Variants in PON1 observed in about 807,000 individuals in gnomAD.
The protein encoded by PON1 is serum paraoxonase/arylesterase 1.
Under a neutral mutation model 39.2 loss-of-function variants are expected in PON1, and 37 were observed. The ratio of observed to expected loss-of-function variants is 0.94; its 90% confidence interval spans 0.73 to 1.24. The LOEUF (loss-of-function observed/expected upper bound fraction) is 1.24. PON1 is among the 50% of genes most tolerant of loss of function. The probability of loss-of-function intolerance (pLI) is 0.00; values close to 1 mark genes in which losing one functional copy is unlikely to be tolerated. For synonymous variants in PON1, 148 were observed against 152.2 expected, an observed-to-expected ratio of 0.97 and a Z score of 0.21; for missense variants, 397 against 413.5, an observed-to-expected ratio of 0.96 and a Z score of 0.35.
intron 6 of PON1, among the ~76,000 whole-genome samples, chr7:95,306,958 T>A (rs949448756): frequency 6.6e-6 from 1 of 152,132 alleles, no homozygotes; most frequent in Non-Finnish European, 1.5e-5. Context: ...TTATCTTCTA[T>A]TTTTTGAAAA....
rs560885248 is a variant in PON1 at position 95,297,681 on chromosome 7, A to C, written c.*1263T>G. 5 of 152,240 alleles carry C rather than the reference A, an allele frequency of 3.3e-5. No individual in the cohort carries two copies. The highest frequency in any genetic ancestry group is 1.2e-4 in the African/African-American group (5 of 41,430). The allele number at this position is 152,240 out of a possible 1,614,324, so 9.4% of individuals were successfully genotyped here. On this transcript the variant is annotated 3_prime_UTR_variant, in exon 9 of 9. Coordinates refer to ENST00000222381, the MANE Select transcript of PON1 (RefSeq NM_000446.7). Reference sequence around the variant, plus strand: ...GTGGTGTGTGCCTGTAGTCCCAGCTATCCGGGAGGCTGAGGCACAAGAATC... The same window carrying C: ...GTGGTGTGTGCCTGTAGTCCCAGCTCTCCGGGAGGCTGAGGCACAAGAATC...
intron 2 of PON1, among the ~76,000 whole-genome samples, chr7:95,318,064 A>C (rs960942209): frequency 1.4e-5 from 2 of 141,768 alleles, no homozygotes; most frequent in Admixed American, 1.5e-4. Context: ...ACATTATTCT[A>C]TTTTTCTTTT....
chr7:95,311,473 T>C lies in PON1; in HGVS notation c.475A>G (p.Ile159Val). ...EEKSLLHLKT[I>V]RHKLLPNLND... ...TACTTAGGCAGAAGTTTATGTCTGA[T>C]GGTTTTTAGATGCAAAAGCGATTTT... is the stretch of plus-strand genomic sequence containing the variant. The change falls in exon 5 of 9, where the codon ATC (isoleucine) becomes GTC (valine). Residue 159 changes from isoleucine to valine, a missense_variant. Physicochemically the swap from Ile to Val is conservative, Grantham distance 29. Transcript: ENST00000222381. 3 of 1,614,186 alleles carry C rather than the reference T, an allele frequency of 1.9e-6. No individual in the cohort carries two copies. Among genetic ancestry groups the C allele is most frequent in the Non-Finnish European group, 2.5e-6 (3 of 1,180,000 alleles).
At chr7:95,308,628 A>C (rs184982839) in intron 5 of PON1, among the ~76,000 whole-genome samples, 11 of 152,246 alleles carry the variant, frequency 7.2e-5, no homozygotes, top group African/African-American at 2.4e-4. Flanking sequence ...ACTAACTCCC[A>C]TAAGAAATTG....
In PON1 at chr7:95,315,502, TG is replaced by T; in HGVS notation, c.202-13del. The T allele has an allele frequency of 6.2e-7, 1 of 1,613,134 alleles. No homozygotes were observed. On this transcript the variant is annotated splice_polypyrimidine_tract_variant and intron_variant, in intron 3 of 8. Coordinates refer to ENST00000222381, the MANE Select transcript of PON1 (RefSeq NM_000446.7). ...GGATACTTTAATCCCTTATAAACCA[TG>T]GAGGAGAAAAATCAAGCACAATACC...
chr7:95,311,320 G>T, intron 5 of PON1, 131 bp downstream of exon 5: 1 of 1,108,224 alleles, frequency 9.0e-7, no homozygotes, highest in Non-Finnish European at 1.3e-6. Context: ...AGAAGAGCAT[G>T]TGGAGGAGTT....
In PON1 at chr7:95,302,239, AAG is replaced by A. The variant is rs1563594460; in HGVS notation, c.873_874del (p.Phe292LeufsTer3). 5.6e-6 allele frequency: 9 copies of A among 1,613,220 alleles called. No individual in the cohort carries two copies. Among genetic ancestry groups the A allele is most frequent in the Non-Finnish European group, 6.8e-6 (8 of 1,179,320 alleles). ...AGGAGGATTCTCTGAGTCATAGAAG[AAG>A]ATTTTCATGCCATTGGGATGGCATC... On this transcript the variant is annotated frameshift_variant, in exon 8 of 9. Transcript: ENST00000222381. LOFTEE classifies it low-confidence loss of function (END_TRUNC).
At chr7:95,308,322 G>T in intron 5 of PON1, 111 bp from the exon 6 acceptor site, 2 of 971,372 alleles carry the variant, frequency 2.1e-6, no homozygotes, top group Non-Finnish European at 3.2e-6. Flanking sequence ...GTGGGATGGA[G>T]CCTTCGTGCT....
Position 95,318,710 on chromosome 7 carries a change from G to A in PON1, c.75-317C>T. ...TAAGGACTCCTAGGTGGAAAGTCCG[G>A]GTAAATGGCAACATGGTTCCAGTTT... On this transcript the variant is annotated intron_variant, in intron 1 of 8. Transcript: ENST00000222381. The A allele has an allele frequency of 7.0e-6, 2 of 284,956 alleles. 1 individual carries two copies. Among genetic ancestry groups the A allele is most frequent in the East Asian group, 1.5e-4 (2 of 13,336 alleles). The allele number at this position is 284,956 out of a possible 1,614,324, so 17.7% of individuals were successfully genotyped here. A position where few individuals can be genotyped will look rare whatever the true frequency, so the allele number is the denominator to read the frequency against.
chr7:95,315,499 C>A lies in PON1; in HGVS notation c.202-9G>T. 1 of 1,613,330 alleles carries A rather than the reference C, an allele frequency of 6.2e-7. No individual in the cohort carries two copies. Reference sequence around the variant, plus strand: ...CCAGGATACTTTAATCCCTTATAAACCATGGAGGAGAAAAATCAAGCACAA... The same window carrying A: ...CCAGGATACTTTAATCCCTTATAAAACATGGAGGAGAAAAATCAAGCACAA... On this transcript the variant is annotated splice_polypyrimidine_tract_variant and intron_variant, in intron 3 of 8. Transcript: ENST00000222381.
In PON1 at chr7:95,298,616, G is replaced by GCAA; in HGVS notation, c.*325_*327dup. The GCAA allele has an allele frequency of 2.5e-6, 1 of 393,946 alleles. No homozygotes were observed. Among genetic ancestry groups the GCAA allele is most frequent in the Non-Finnish European group, 4.8e-6 (1 of 207,024 alleles). The allele number at this position is 393,946 out of a possible 1,614,324, so 24.4% of individuals were successfully genotyped here. A position where few individuals can be genotyped will look rare whatever the true frequency, so the allele number is the denominator to read the frequency against. On this transcript the variant is annotated 3_prime_UTR_variant, in exon 9 of 9. Transcript: ENST00000222381. ...CAGCGATACACACATGTGCTTCCAG[G>GCAA]CAACACATGTTTTAGGGTAAGTACT...
intron 5 of PON1, among the ~76,000 whole-genome samples, chr7:95,310,830 A>C (rs1807637677): frequency 1.3e-5 from 2 of 152,240 alleles, no homozygotes; most frequent in Admixed American, 6.5e-5. Context: ...TCCTAAATCC[A>C]TCACTGGCCT....
At chr7:95,313,692 G>A (rs1807705643) in intron 4 of PON1, among the ~76,000 whole-genome samples, 1 of 150,396 alleles carries the variant, frequency 6.6e-6, no homozygotes. Context: ...ATAAAAGGAT[G>A]GAAAATCACT....
At chr7:95,319,412 A>C (rs577227461) in intron 1 of PON1, among the ~76,000 whole-genome samples, 1 of 152,278 alleles carries the variant, frequency 6.6e-6, no homozygotes, top group African/African-American at 2.4e-5. Flanking sequence ...CCATCAGGCC[A>C]CTGGCTATCA....
At chr7:95,315,633 G>C (rs1263045592) in intron 3 of PON1, 143 bp from the exon 4 acceptor site, 10 of 854,856 alleles carry the variant, frequency 1.2e-5, no homozygotes, top group African/African-American at 1.7e-5. Flanking sequence ...CTCTTAGTTA[G>C]CTTCTGTAAT....
intron 1 of PON1, among the ~76,000 whole-genome samples, chr7:95,321,861 C>A (rs1377621621): frequency 6.6e-6 from 1 of 152,196 alleles, no homozygotes; most frequent in Admixed American, 6.5e-5. Flanking sequence ...CAGGAACCTT[C>A]ACATATACAT....
intron 7 of PON1, 99 bp from the exon 8 acceptor site, chr7:95,302,432 C>T: frequency 1.0e-6 from 1 of 1,004,052 alleles, no homozygotes; most frequent in Non-Finnish European, 1.5e-6. Context: ...TGTCCTTGGT[C>T]ACCACGCTGC....
chr7:95,314,618 CTT>C (rs1049404668), intron 4 of PON1, among the ~76,000 whole-genome samples: 5 of 152,088 alleles, frequency 3.3e-5, no homozygotes, highest in African/African-American at 4.8e-5. Flanking sequence ...AACTGAAAAA[CTT>C]TTAACAACTA....
At chr7:95,299,970 T>A (rs1485724007) in intron 8 of PON1, among the ~76,000 whole-genome samples, 1 of 152,160 alleles carries the variant, frequency 6.6e-6, no homozygotes. Flanking sequence ...TCCTGGTTTT[T>A]AAAATGCAGA....
Sources: gnomAD v4.1 joint callset for allele counts (sites outside exome capture counted in the v4.1 genomes callset) on GRCh38, gnomAD v4.1.1 for gene constraint, MANE v1.5 for transcripts, NCBI Gene and HGNC (gene_info 2026-07-23, HGNC 2026-07-21) for gene names.